The following SCFD2 variants were observed in gnomAD, a reference collection of about 807,000 sequenced individuals.
SCFD2 encodes sec1 family domain-containing protein 2.
In SCFD2, 54 loss-of-function variants were observed where a neutral mutation model predicts 58.9. The observed-to-expected ratio is 0.92, with a 90% CI of 0.74 to 1.15. The LOEUF (loss-of-function observed/expected upper bound fraction) is 1.15, where lower values mean the gene tolerates loss of function less well. Ranked by LOEUF, SCFD2 falls within the 50% of genes most tolerant of loss-of-function variation. SCFD2 has a pLI of 0.00. For missense variants in SCFD2, 805 were observed against 836.6 expected (o/e 0.96, Z 0.47); for synonymous variants, 321 against 335.9 (o/e 0.96, Z 0.49).
At chr4:53,349,457 T>C (rs149834241) in intron 2 of SCFD2, among the ~76,000 whole-genome samples, 1 of 152,338 alleles carries the variant, frequency 6.6e-6, no homozygotes, top group East Asian at 1.9e-4. Context: ...GTGAGCAAGA[T>C]AGCTGCAGCA....
At chr4:53,127,630 C>T (rs1181085000) in intron 5 of SCFD2, among the ~76,000 whole-genome samples, 11 of 152,086 alleles carry the variant, frequency 7.2e-5, no homozygotes, top group South Asian at 2.1e-4. Flanking sequence ...GAGCTGAGCT[C>T]GGAAACGGTT....
chr4:52,924,676 C>G (rs565364456), intron 5 of SCFD2, among the ~76,000 whole-genome samples: 21 of 152,176 alleles, frequency 1.4e-4, no homozygotes, highest in East Asian at 7.7e-4. Context: ...CAATCCTCAC[C>G]AAAAGAAGGA....
intron 5 of SCFD2, among the ~76,000 whole-genome samples, chr4:53,104,534 C>T (rs776492091): frequency 1.6e-4 from 24 of 152,228 alleles, no homozygotes; most frequent in Non-Finnish European, 3.1e-4. Context: ...TAGGTAGAAA[C>T]TAAGGAAATC....
intron 4 of SCFD2, among the ~76,000 whole-genome samples, chr4:53,214,610 G>C (rs554654697): frequency 1.2e-4 from 19 of 152,186 alleles, no homozygotes; most frequent in Admixed American, 3.9e-4. Flanking sequence ...GTTGCCTGTT[G>C]ACTATGATGG....
At chr4:53,011,453 A>G (rs1280073468) in intron 5 of SCFD2, among the ~76,000 whole-genome samples, 1 of 152,210 alleles carries the variant, frequency 6.6e-6, no homozygotes, top group Non-Finnish European at 1.5e-5. Context: ...CTACTGAGCA[A>G]ATATTAAACA....
rs1459046625 is a variant in SCFD2 at position 53,055,063 on chromosome 4, C to T, written c.1561+90270G>A. Among the ~76,000 whole-genome samples the T allele has an allele frequency of 2.0e-5, 3 of 152,158 alleles. No homozygotes were observed. The East Asian group carries it at 5.8e-4, about 29-fold the overall frequency. On this transcript the variant is annotated intron_variant, in intron 5 of 8. Coordinates refer to ENST00000401642, the MANE Select transcript of SCFD2 (RefSeq NM_152540.4). ...AAGGCATGAGCTAGACCAGGATATT[C>T]ACCACAATATCAGTAATAACACCTA...
intron 5 of SCFD2, among the ~76,000 whole-genome samples, chr4:53,086,370 A>C (rs999760384): frequency 2.0e-5 from 3 of 152,224 alleles, no homozygotes; most frequent in African/African-American, 7.2e-5. Flanking sequence ...TTTATCCAAA[A>C]GACAGGCAAT....
At chr4:53,088,057 T>C (rs1305788063) in intron 5 of SCFD2, among the ~76,000 whole-genome samples, 2 of 152,100 alleles carry the variant, frequency 1.3e-5, no homozygotes, top group Non-Finnish European at 2.9e-5. Flanking sequence ...AAATATGAAA[T>C]TGTTAGGTAA....
At chr4:53,262,855 T>A (rs1258824752) in intron 4 of SCFD2, among the ~76,000 whole-genome samples, 1 of 152,228 alleles carries the variant, frequency 6.6e-6, no homozygotes, top group East Asian at 1.9e-4. Flanking sequence ...TTTTCCAAAC[T>A]CTTAGATTTC....
intron 4 of SCFD2, among the ~76,000 whole-genome samples, chr4:53,240,874 C>T (rs1729871263): frequency 1.3e-5 from 2 of 152,188 alleles, no homozygotes; most frequent in South Asian, 2.1e-4. Context: ...TTGAATGGAC[C>T]TCTCCAAGAT....
chr4:52,880,461 C>CA (rs1464475330), intron 8 of SCFD2, among the ~76,000 whole-genome samples: 7 of 151,018 alleles, frequency 4.6e-5, no homozygotes, highest in Non-Finnish European at 1.0e-4. Context: ...ACTAAAAATA[C>CA]AAAAAATTAA....
intron 5 of SCFD2, among the ~76,000 whole-genome samples, chr4:53,057,814 T>G (rs1353650814): frequency 6.6e-6 from 1 of 152,050 alleles, no homozygotes; most frequent in Non-Finnish European, 1.5e-5. Flanking sequence ...TGGTAGAGCA[T>G]AAAAATAAAG....
intron 2 of SCFD2, among the ~76,000 whole-genome samples, chr4:53,332,248 G>C (rs1035540802): frequency 6.6e-6 from 1 of 151,352 alleles, no homozygotes; most frequent in African/African-American, 2.4e-5. Context: ...CTCATTTTAT[G>C]AGGCCAGCAT....
chr4:53,266,715 G>A (rs1730994471), intron 4 of SCFD2, among the ~76,000 whole-genome samples: 1 of 152,066 alleles, frequency 6.6e-6, no homozygotes, highest in African/African-American at 2.4e-5. Context: ...CTTTAAATTT[G>A]AAGCAAAATC....
intron 4 of SCFD2, among the ~76,000 whole-genome samples, chr4:53,248,535 T>G (rs1297958901): frequency 7.9e-5 from 12 of 152,186 alleles, no homozygotes; most frequent in Admixed American, 7.9e-4. Context: ...CTGACAGCTT[T>G]GAAGAGAGCA....
At chr4:53,229,412 C>A (rs1729352878) in intron 4 of SCFD2, among the ~76,000 whole-genome samples, 1 of 152,154 alleles carries the variant, frequency 6.6e-6, no homozygotes, top group Non-Finnish European at 1.5e-5. Flanking sequence ...GGTACTGTTA[C>A]CAAAACAGAG....
At chr4:52,890,078 A>G (rs1718846343) in intron 7 of SCFD2, among the ~76,000 whole-genome samples, 1 of 152,246 alleles carries the variant, frequency 6.6e-6, no homozygotes, top group African/African-American at 2.4e-5. Context: ...CTTTATGCAT[A>G]GTTCTTCTGG....
At chr4:52,915,147 A>C (rs563488519) in intron 6 of SCFD2, among the ~76,000 whole-genome samples, 1 of 152,336 alleles carries the variant, frequency 6.6e-6, no homozygotes, top group East Asian at 1.9e-4. Context: ...TACAATCTTG[A>C]GAAACCAGTG....
intron 4 of SCFD2, among the ~76,000 whole-genome samples, chr4:53,229,991 C>T (rs1265093135): frequency 1.3e-5 from 2 of 152,282 alleles, no homozygotes; most frequent in Middle Eastern, 3.4e-3. Context: ...CAAAAGAAGA[C>T]ATTTATGCAG....
Sources: gnomAD v4.1 joint callset for allele counts (sites outside exome capture counted in the v4.1 genomes callset) on GRCh38, gnomAD v4.1.1 for gene constraint, MANE v1.5 for transcripts, NCBI Gene and HGNC (gene_info 2026-07-23, HGNC 2026-07-21) for gene names.